LIPH: variants seen among roughly 807,000 people sequenced by gnomAD.
LIPH encodes the protein lipase member H.
A neutral mutation model predicts 47.6 loss-of-function variants in LIPH; 32 were observed. The ratio of observed to expected loss-of-function variants is 0.67; its 90% CI spans 0.51 to 0.90. The LOEUF (loss-of-function observed/expected upper bound fraction) is 0.90, where lower values mean the gene tolerates loss of function less well. LIPH is among the 40% of genes least tolerant of loss of function. The probability of loss-of-function intolerance (pLI) is 0.00; values close to 1 mark genes in which losing one functional copy is unlikely to be tolerated. For missense variants in LIPH, 497 were observed against 541.4 expected (o/e 0.92, Z 0.81); for synonymous variants, 190 against 195.6 (o/e 0.97, Z 0.24).
chr3:185,528,971 G>A (rs1179884178), intron 3 of LIPH, among the ~76,000 whole-genome samples: 2 of 148,750 alleles, frequency 1.3e-5, no homozygotes, highest in South Asian at 2.1e-4. Flanking sequence ...AGACCATCCT[G>A]GCTAACATGG....
At chr3:185,548,309 G>C (rs569638662) in intron 1 of LIPH, among the ~76,000 whole-genome samples, 1 of 152,032 alleles carries the variant, frequency 6.6e-6, no homozygotes, top group Admixed American at 6.6e-5. Context: ...GGAGGCTGAG[G>C]CAGGAGAATT....
intron 7 of LIPH, among the ~76,000 whole-genome samples, 187 bp from the exon 8 acceptor site, chr3:185,514,708 T>G (rs1719672579): frequency 6.6e-6 from 1 of 152,218 alleles, no homozygotes; most frequent in African/African-American, 2.4e-5. Flanking sequence ...AAAGATGGCA[T>G]GAGTGATAGC....
intron 1 of LIPH, among the ~76,000 whole-genome samples, chr3:185,538,969 T>TATA (rs201803088): frequency 6.8e-6 from 1 of 146,946 alleles, no homozygotes; most frequent in East Asian, 2.0e-4. Context: ...ATATATATAT[T>TATA]TTTTTTTATT....
chr3:185,526,303 C>G (rs1196473018), intron 4 of LIPH, among the ~76,000 whole-genome samples: 2 of 151,984 alleles, frequency 1.3e-5, no homozygotes, highest in South Asian at 2.1e-4. Context: ...GGTGGATCAC[C>G]TGACCTCAGG....
intron 5 of LIPH, among the ~76,000 whole-genome samples, chr3:185,523,574 G>C (rs1719972592): frequency 6.6e-6 from 1 of 151,706 alleles, no homozygotes; most frequent in African/African-American, 2.4e-5. Flanking sequence ...AGCTAATTTT[G>C]TTTTTATTTT....
chr3:185,551,630 T>C (rs1293658015), intron 1 of LIPH, among the ~76,000 whole-genome samples: 4 of 152,160 alleles, frequency 2.6e-5, no homozygotes, highest in Middle Eastern at 3.4e-3. Flanking sequence ...TTTTAAAAGT[T>C]ATGCATTTAG....
rs1410025611 is a variant in LIPH at position 185,528,355 on chromosome 3, A to AAAGAAAGAAAGAAAGAAAGAAAGC, written c.527-771_527-770insGCTTTCTTTCTTTCTTTCTTTCTT. ...GAAAGAAAGAAAGAAAGAAAGAAAG[A>AAAGAAAGAAAGAAAGAAAGAAAGC]AAGCGCTATACTCATCTTTATCCCA... On this transcript the variant is annotated intron_variant, in intron 3 of 9. Coordinates refer to ENST00000296252, the MANE Select transcript of LIPH (RefSeq NM_139248.3). Among the ~76,000 whole-genome samples, 257 of 151,808 alleles carry AAAGAAAGAAAGAAAGAAAGAAAGC rather than the reference A, an allele frequency of 1.7e-3. 1 individual carries two copies. The highest frequency in any genetic ancestry group is 3.4e-3 in the Middle Eastern group (1 of 292).
At chr3:185,549,561 A>G (rs2165609) in intron 1 of LIPH, among the ~76,000 whole-genome samples, 6,395 of 152,316 alleles carry the variant, frequency 0.042, 266 homozygotes, top group East Asian at 0.24. Flanking sequence ...AGCAGTCTTA[A>G]TTTAGAACAA....
rs763827760 is a variant in LIPH, at chr3:185,527,636, AGCCGG to A, written c.527-56_527-52del. The A allele has an allele frequency of 2.5e-6, 3 of 1,203,080 alleles. No individual in the cohort carries two copies. In the South Asian group the frequency reaches 3.7e-5, roughly 15 times the overall value. 74.5% of individuals were successfully genotyped at this position (1,203,080 alleles called of 1,614,324 possible). On this transcript the variant is annotated intron_variant, in intron 3 of 9. Transcript: ENST00000296252. Reference sequence around the variant, plus strand: ...CAGCCCCACACCATGAGTCACCTGCAGCCGGGCCTTTGATCCTTCTGGATGAGGGT... The same window carrying A: ...CAGCCCCACACCATGAGTCACCTGCAGCCTTTGATCCTTCTGGATGAGGGT...
intron 4 of LIPH, among the ~76,000 whole-genome samples, chr3:185,526,597 AAAT>A (rs1264775590): frequency 1.7e-4 from 24 of 138,412 alleles, no homozygotes; most frequent in East Asian, 8.1e-4. Flanking sequence ...AAATAAAATA[AAAT>A]AAAATAAAAA....
intron 3 of LIPH, among the ~76,000 whole-genome samples, chr3:185,533,294 G>A (rs898742231): frequency 1.3e-5 from 2 of 152,062 alleles, no homozygotes; most frequent in Admixed American, 1.3e-4. Context: ...GATTTGAATG[G>A]GACATAGCTG....
rs145498225 is a variant in LIPH at position 185,535,541 on chromosome 3, A to G, written c.50-409T>C. Among the ~76,000 whole-genome samples, 397 of 150,912 alleles carry G rather than the reference A, an allele frequency of 2.6e-3. 16 individuals are homozygous for G. The East Asian group carries it at 0.071, about 27-fold the overall frequency. The stretch of plus-strand genomic sequence containing the variant: ...GTGATCCACTCACCTTGGCCTCCCA[A>G]AGTGGTAGGATTACAGGCCTGAGCC... On this transcript the variant is annotated intron_variant, in intron 1 of 9. Transcript: ENST00000296252.
intron 5 of LIPH, among the ~76,000 whole-genome samples, chr3:185,521,396 G>A (rs1257730142): frequency 6.6e-6 from 1 of 152,146 alleles, no homozygotes; most frequent in Non-Finnish European, 1.5e-5. Flanking sequence ...AGTGGGTTCC[G>A]CTGTTTGCTG....
At chr3:185,514,863 C>A (rs897270125) in intron 7 of LIPH, among the ~76,000 whole-genome samples, 1 of 152,134 alleles carries the variant, frequency 6.6e-6, no homozygotes, top group African/African-American at 2.4e-5. Flanking sequence ...AGGGGCCATT[C>A]GGAGACCCTC....
At chr3:185,536,725 A>T (rs1720514087) in intron 1 of LIPH, among the ~76,000 whole-genome samples, 1 of 152,144 alleles carries the variant, frequency 6.6e-6, no homozygotes, top group African/African-American at 2.4e-5. Context: ...ACTTAAAGGA[A>T]ATTTACACGT....
Position 185,547,363 on chromosome 3 carries a change from G to C in LIPH, c.49+5060C>G, listed in dbSNP as rs138522912. 5.7e-3 allele frequency among the ~76,000 whole-genome samples: 871 copies of C among 152,226 alleles called. 6 individuals are homozygous for C. The highest frequency in any genetic ancestry group is 0.02 in the African/African-American group (814 of 41,540). On this transcript the variant is annotated intron_variant, in intron 1 of 9. Transcript: ENST00000296252. ...CCCAGTCAGGAAGTAAAACAGCCCT[G>C]ACTCATACTGCTTTTTTATCTCGAG...
intron 2 of LIPH, 140 bp from the exon 3 acceptor site, chr3:185,533,819 C>G (rs1720415826): frequency 3.1e-6 from 2 of 643,170 alleles, no homozygotes; most frequent in Non-Finnish European, 5.6e-6. Context: ...TCACAACATC[C>G]ATGCAAAGTA....
intron 4 of LIPH, among the ~76,000 whole-genome samples, chr3:185,524,593 G>A (rs1032087321): frequency 2.6e-5 from 4 of 152,002 alleles, no homozygotes; most frequent in African/African-American, 9.7e-5. Context: ...GGAATTACAG[G>A]CATGTGCCAC....
chr3:185,529,901 G>A (rs570323543), intron 3 of LIPH, among the ~76,000 whole-genome samples: 1 of 138,776 alleles, frequency 7.2e-6, no homozygotes, highest in South Asian at 2.3e-4. Flanking sequence ...GAGAAAGAGA[G>A]AAAGAAAAGA....
Sources: gnomAD v4.1 joint callset for allele counts (sites outside exome capture counted in the v4.1 genomes callset) on GRCh38, gnomAD v4.1.1 for gene constraint, MANE v1.5 for transcripts, NCBI Gene and HGNC (gene_info 2026-07-23, HGNC 2026-07-21) for gene names.